SHISA6: variants seen among roughly 807,000 people sequenced by gnomAD.
SHISA6 encodes the protein shisa family member 6.
Under a neutral mutation model 47.9 loss-of-function variants are expected in SHISA6, and 22 were observed. The ratio of observed to expected loss-of-function variants is 0.46; its 90% confidence interval spans 0.33 to 0.66. The LOEUF (loss-of-function observed/expected upper bound fraction) is 0.66, where lower values mean the gene tolerates loss of function less well. Ranked by LOEUF, SHISA6 falls within the 30% of genes least tolerant of loss-of-function variation. The pLI is 0.02. For missense variants in SHISA6, 680 were observed against 764.6 expected (o/e 0.89, Z 1.30); for synonymous variants, 388 against 337.8 (o/e 1.15, Z -1.63).
chr17:11,538,108 T>C (rs2071802955), intron 3 of SHISA6, among the ~76,000 whole-genome samples: 2 of 152,172 alleles, frequency 1.3e-5, no homozygotes. Flanking sequence ...TCACCAAGGC[T>C]GGAGTGGTGC....
chr17:11,451,825 C>T (rs1441109240), intron 3 of SHISA6, among the ~76,000 whole-genome samples: 1 of 152,206 alleles, frequency 6.6e-6, no homozygotes, highest in African/African-American at 2.4e-5. Flanking sequence ...ATGAGCTGTC[C>T]ATCTCCAGAG....
At chr17:11,517,766 A>G (rs1044258187) in intron 3 of SHISA6, among the ~76,000 whole-genome samples, 1 of 152,040 alleles carries the variant, frequency 6.6e-6, no homozygotes, top group Non-Finnish European at 1.5e-5. Context: ...AGCCTCCCAA[A>G]GTACTGGGAT....
At chr17:11,370,210 T>C (rs567087914) in intron 2 of SHISA6, among the ~76,000 whole-genome samples, 16 of 152,310 alleles carry the variant, frequency 1.1e-4, no homozygotes, top group South Asian at 6.2e-4. Context: ...ATAGTTAGGA[T>C]ACATGAGAGG....
At chr17:11,283,842 C>T (rs1291895478) in intron 2 of SHISA6, among the ~76,000 whole-genome samples, 2 of 152,162 alleles carry the variant, frequency 1.3e-5, no homozygotes, top group African/African-American at 4.8e-5. Flanking sequence ...TCTTATATTG[C>T]TTCTATTGCT....
At chr17:11,286,612 G>T (rs1909308960) in intron 2 of SHISA6, among the ~76,000 whole-genome samples, 2 of 152,136 alleles carry the variant, frequency 1.3e-5, no homozygotes, top group South Asian at 4.1e-4. Context: ...AATGTTTCTG[G>T]GGAATCACGG....
chr17:11,411,163 T>C (rs979199712), intron 3 of SHISA6, among the ~76,000 whole-genome samples: 2 of 151,674 alleles, frequency 1.3e-5, no homozygotes, highest in African/African-American at 4.8e-5. Flanking sequence ...AGAGACAGGG[T>C]TTCACCCTGT....
intron 3 of SHISA6, among the ~76,000 whole-genome samples, chr17:11,459,049 A>T (rs560690311): frequency 0.049 from 4,003 of 81,404 alleles, 69 homozygotes; most frequent in Middle Eastern, 0.14. Context: ...GTCTCTACTA[A>T]AAAAAAAAAA....
intron 2 of SHISA6, among the ~76,000 whole-genome samples, chr17:11,315,474 A>G (rs145205634): frequency 1.2e-4 from 19 of 152,284 alleles, no homozygotes; most frequent in Middle Eastern, 3.4e-3. Context: ...AAAGAGAAAT[A>G]TAGCGGTAAC....
At chr17:11,311,789 T>TTTTC (rs1323182684) in intron 2 of SHISA6, among the ~76,000 whole-genome samples, 2 of 151,990 alleles carry the variant, frequency 1.3e-5, no homozygotes, top group East Asian at 1.9e-4. Flanking sequence ...CTTTTCTTTT[T>TTTTC]TTTTGAGACA....
chr17:11,356,603 C>T (rs1912087693), intron 2 of SHISA6, among the ~76,000 whole-genome samples: 1 of 152,116 alleles, frequency 6.6e-6, no homozygotes, highest in Admixed American at 6.5e-5. Context: ...TCTGCTTGGC[C>T]TCTGCTGGCC....
At chr17:11,322,856 G>T (rs1264063967) in intron 2 of SHISA6, among the ~76,000 whole-genome samples, 2 of 152,156 alleles carry the variant, frequency 1.3e-5, no homozygotes, top group African/African-American at 2.4e-5. Flanking sequence ...TACATTGGGT[G>T]GGGGATGGAA....
At chr17:11,349,884 G>A (rs557084282) in intron 2 of SHISA6, among the ~76,000 whole-genome samples, 14 of 152,158 alleles carry the variant, frequency 9.2e-5, no homozygotes, top group Non-Finnish European at 1.5e-4. Flanking sequence ...TGTGGGCTCA[G>A]GGTTAAGCCC....
intron 2 of SHISA6, among the ~76,000 whole-genome samples, chr17:11,320,752 A>G (rs907268809): frequency 1.3e-5 from 2 of 152,180 alleles, no homozygotes; most frequent in African/African-American, 4.8e-5. Flanking sequence ...CTAAAGGGAC[A>G]TCTGTGAGAA....
intron 2 of SHISA6, among the ~76,000 whole-genome samples, chr17:11,313,716 G>A (rs1404219300): frequency 6.6e-6 from 1 of 152,112 alleles, no homozygotes; most frequent in Non-Finnish European, 1.5e-5. Context: ...GGGAAATTGA[G>A]GTGGTGTTGC....
intron 3 of SHISA6, among the ~76,000 whole-genome samples, chr17:11,471,468 T>C (rs1915933820): frequency 6.6e-6 from 1 of 152,172 alleles, no homozygotes; most frequent in African/African-American, 2.4e-5. Flanking sequence ...ATGGAAGATA[T>C]CAGCACGCTT....
At position 11,312,099 on chromosome 17, in the gene SHISA6, T is replaced by C. The variant is rs115306148; in HGVS notation, c.799+48573T>C. On this transcript the variant is annotated intron_variant, in intron 2 of 5. Transcript: ENST00000441885. ...GTTATTTTTTCTTTTGTTGATAAAA[T>C]ATGTCAGAAATTATAACGCTTTACT... 3.1e-3 allele frequency among the ~76,000 whole-genome samples: 478 copies of C among 152,258 alleles called. 2 individuals are homozygous for C. Among genetic ancestry groups the C allele is most frequent in the African/African-American group, 0.011 (444 of 41,560 alleles).
chr17:11,256,541 A>G (rs912633693), intron 1 of SHISA6, among the ~76,000 whole-genome samples: 5 of 152,184 alleles, frequency 3.3e-5, no homozygotes, highest in African/African-American at 1.2e-4. Flanking sequence ...AAGAATCGTA[A>G]TGGCAGCAGC....
At chr17:11,439,901 G>A (rs974496112) in intron 3 of SHISA6, among the ~76,000 whole-genome samples, 3 of 152,098 alleles carry the variant, frequency 2.0e-5, no homozygotes, top group African/African-American at 7.2e-5. Context: ...AAGAAGAGAG[G>A]ACATTCACTC....
intron 1 of SHISA6, among the ~76,000 whole-genome samples, chr17:11,258,717 T>C (rs1287146583): frequency 6.6e-6 from 1 of 152,168 alleles, no homozygotes; most frequent in Non-Finnish European, 1.5e-5. Context: ...AGGATTTCAT[T>C]TGGCAAAAAA....
Sources: allele counts gnomAD v4.1 joint callset (sites outside exome capture counted in the v4.1 genomes callset), GRCh38; gene constraint gnomAD v4.1.1; transcripts MANE v1.5; gene names NCBI Gene and HGNC (gene_info 2026-07-23, HGNC 2026-07-21).